Variants in KCNIP1 observed in about 807,000 individuals in gnomAD.
KCNIP1 encodes potassium voltage-gated channel interacting protein 1, also known as A-type potassium channel modulatory protein KCNIP1.
In KCNIP1, 18 loss-of-function variants were observed where a neutral mutation model predicts 33.0. That is an observed-to-expected ratio of 0.55 (90% CI 0.38 to 0.81). The LOEUF is 0.81. Among genes scored for constraint, KCNIP1 ranks in the 30% least tolerant of loss-of-function variants. KCNIP1 has a pLI of 0.00. For synonymous variants in KCNIP1, 93 were observed against 98.3 expected, an observed-to-expected ratio of 0.95 and a Z score of 0.32; for missense variants, 238 against 271.6, an observed-to-expected ratio of 0.88 and a Z score of 0.87.
At chr5:170,686,745 A>G (rs1241946541) in intron 1 of KCNIP1, among the ~76,000 whole-genome samples, 1 of 152,188 alleles carries the variant, frequency 6.6e-6, no homozygotes, top group African/African-American at 2.4e-5. Flanking sequence ...TCTGAAAGGA[A>G]GTGTTTGGTG....
At chr5:170,682,784 C>CTTTTTTTTTTCTTTTTTTTTTT (rs1762396898) in intron 1 of KCNIP1, among the ~76,000 whole-genome samples, 1 of 71,404 alleles carries the variant, frequency 1.4e-5, no homozygotes, top group Non-Finnish European at 2.4e-5. Flanking sequence ...TTCTTTGTTT[C>CTTTTTTTTTTCTTTTTTTTTTT]TTTTTTTTTT....
chr5:170,633,579 T>C (rs1272694396), intron 1 of KCNIP1, among the ~76,000 whole-genome samples: 1 of 148,098 alleles, frequency 6.8e-6, no homozygotes, highest in Admixed American at 6.7e-5. Context: ...TGCAGAGGAA[T>C]GTGCCTGGAT....
intron 1 of KCNIP1, among the ~76,000 whole-genome samples, chr5:170,624,460 C>T (rs957338496): frequency 5.9e-5 from 9 of 152,060 alleles, no homozygotes; most frequent in African/African-American, 2.2e-4. Context: ...CTATCTTTAA[C>T]TGTATTCTCT....
intron 2 of KCNIP1, 71 bp downstream of exon 2, chr5:170,718,953 G>A: frequency 6.4e-7 from 1 of 1,561,110 alleles, no homozygotes. Flanking sequence ...CCAATGCCAA[G>A]GGAGCTCATA....
At chr5:170,432,748 T>G (rs1561623184) in intron 1 of KCNIP1, among the ~76,000 whole-genome samples, 1 of 152,238 alleles carries the variant, frequency 6.6e-6, no homozygotes, top group East Asian at 1.9e-4. Flanking sequence ...TTTCCCTACA[T>G]TTTGTTATTA....
intron 1 of KCNIP1, among the ~76,000 whole-genome samples, chr5:170,652,959 C>T (rs1761109991): frequency 6.6e-6 from 1 of 152,230 alleles, no homozygotes. Flanking sequence ...CTTCCTGGAG[C>T]TGACATTTAG....
In KCNIP1 at chr5:170,483,198, A is replaced by G. The variant is rs375546222; in HGVS notation, c.88+129234A>G. The G allele has an allele frequency of 1.2e-3, 461 of 397,518 alleles. 5 individuals carry two copies. The highest frequency in any genetic ancestry group is 7.0e-3 in the South Asian group (371 of 53,196). 24.6% of individuals were successfully genotyped at this position (397,518 alleles called of 1,614,324 possible). On this transcript the variant is annotated intron_variant, in intron 1 of 7. Transcript: ENST00000377360. ...TCATCCAGGCCTGAAAATCATAGGT[A>G]ACTATGAGGCAAGAGGAACCCAGGG...
At chr5:170,433,910 G>C (rs1195159295) in intron 1 of KCNIP1, among the ~76,000 whole-genome samples, 1 of 152,072 alleles carries the variant, frequency 6.6e-6, no homozygotes, top group Non-Finnish European at 1.5e-5. Context: ...CCTGGCTGTA[G>C]AGACCACACT....
At chr5:170,587,421 CAAAAAAA>C (rs56358014) in intron 1 of KCNIP1, among the ~76,000 whole-genome samples, 6 of 70,342 alleles carry the variant, frequency 8.5e-5, no homozygotes, top group Non-Finnish European at 1.1e-4. Flanking sequence ...GACTCTGTCT[CAAAAAAA>C]AAAAAAAAAA....
chr5:170,491,338 A>G (rs1757202433), intron 1 of KCNIP1, among the ~76,000 whole-genome samples: 1 of 152,236 alleles, frequency 6.6e-6, no homozygotes, highest in African/African-American at 2.4e-5. Flanking sequence ...AGTGAAAACA[A>G]GGTTACCTAG....
At chr5:170,496,986 C>G (rs762258374) in intron 1 of KCNIP1, among the ~76,000 whole-genome samples, 1 of 152,094 alleles carries the variant, frequency 6.6e-6, no homozygotes, top group Non-Finnish European at 1.5e-5. Context: ...GCCTTTGACC[C>G]TCAGCAGCAG....
At chr5:170,426,443 G>A (rs942405410) in intron 1 of KCNIP1, among the ~76,000 whole-genome samples, 1 of 152,126 alleles carries the variant, frequency 6.6e-6, no homozygotes, top group African/African-American at 2.4e-5. Context: ...AGTTAATACT[G>A]GGACATACTG....
At chr5:170,383,281 T>G in intron 1 of KCNIP1, 1 of 401,498 alleles carries the variant, frequency 2.5e-6, no homozygotes, top group East Asian at 4.3e-5. Context: ...CTCATTTGAC[T>G]GAGGTTGTAG....
At chr5:170,518,081 G>A (rs1489391308) in intron 1 of KCNIP1, among the ~76,000 whole-genome samples, 1 of 152,008 alleles carries the variant, frequency 6.6e-6, no homozygotes, top group Non-Finnish European at 1.5e-5. Context: ...GATGGTGGTG[G>A]TGTGGTGGTA....
At chr5:170,664,435 A>G (rs1346463073) in intron 1 of KCNIP1, among the ~76,000 whole-genome samples, 1 of 152,100 alleles carries the variant, frequency 6.6e-6, no homozygotes, top group South Asian at 2.1e-4. Flanking sequence ...CCACTGCACT[A>G]TAAGATCTAG....
intron 1 of KCNIP1, among the ~76,000 whole-genome samples, chr5:170,367,686 A>C (rs1002347869): frequency 6.6e-6 from 1 of 151,680 alleles, no homozygotes; most frequent in Admixed American, 6.6e-5. Flanking sequence ...TCCATCTGTC[A>C]CTCCCTTTCC....
At chr5:170,410,284 T>C (rs1423420502) in intron 1 of KCNIP1, among the ~76,000 whole-genome samples, 2 of 102,678 alleles carry the variant, frequency 1.9e-5, no homozygotes, top group Non-Finnish European at 3.9e-5. Context: ...AGTGAAGGTG[T>C]ACCAGGTCCC....
At chr5:170,697,802 T>A (rs1762949508) in intron 1 of KCNIP1, among the ~76,000 whole-genome samples, 1 of 152,258 alleles carries the variant, frequency 6.6e-6, no homozygotes, top group South Asian at 2.1e-4. Context: ...CTCCTGAGAA[T>A]CTGCTTTGGC....
intron 1 of KCNIP1, among the ~76,000 whole-genome samples, chr5:170,530,193 A>T (rs73801006): frequency 0.03 from 4,482 of 151,508 alleles, 199 homozygotes; most frequent in African/African-American, 0.099. Context: ...ATGTTTATTG[A>T]TTGTTTAGAT....
Sources: allele counts gnomAD v4.1 joint callset (sites outside exome capture counted in the v4.1 genomes callset), GRCh38; gene constraint gnomAD v4.1.1; transcripts MANE v1.5; gene names NCBI Gene and HGNC (gene_info 2026-07-23, HGNC 2026-07-21).